The following C1QTNF1 variants were observed in gnomAD, a reference collection of about 807,000 sequenced individuals.
C1QTNF1 encodes the protein C1q and TNF related 1.
A neutral mutation model predicts 27.8 loss-of-function variants in C1QTNF1; 22 were observed. The observed-to-expected ratio is 0.79, with a 90% confidence interval of 0.56 to 1.13. C1QTNF1 has a LOEUF of 1.13. Among genes scored for constraint, C1QTNF1 ranks in the 50% most tolerant of loss-of-function variants. The pLI, the probability that C1QTNF1 is intolerant of heterozygous loss-of-function variation, is 0.00. For missense variants in C1QTNF1, 373 were observed against 380.2 expected, an observed-to-expected ratio of 0.98 and a Z score of 0.16; for synonymous variants, 166 against 154.3, an observed-to-expected ratio of 1.08 and a Z score of -0.56.
At chr17:79,032,265 G>A (rs1293021983) in intron 1 of C1QTNF1, among the ~76,000 whole-genome samples, 4 of 152,146 alleles carry the variant, frequency 2.6e-5, no homozygotes, top group Admixed American at 2.6e-4. Flanking sequence ...ATACACGGAT[G>A]GAGAAGGTGG....
At chr17:79,029,903 C>A (rs1053309256) in intron 1 of C1QTNF1, among the ~76,000 whole-genome samples, 3 of 152,194 alleles carry the variant, frequency 2.0e-5, no homozygotes, top group Non-Finnish European at 4.4e-5. Flanking sequence ...TTGTTCCGTT[C>A]GTCCCAAGAA....
chr17:79,025,886 C>T (rs1181986107), intron 1 of C1QTNF1: 5 of 397,652 alleles, frequency 1.3e-5, no homozygotes, highest in Non-Finnish European at 2.5e-5. Flanking sequence ...TCATCATCAC[C>T]ATCATCATCA....
chr17:79,039,639 C>T (rs993386278), intron 1 of C1QTNF1, among the ~76,000 whole-genome samples: 2 of 150,958 alleles, frequency 1.3e-5, no homozygotes, highest in Non-Finnish European at 1.5e-5. Flanking sequence ...GGTGACAGAG[C>T]GAGACTCTGT....
At position 79,048,000 on chromosome 17, in the gene C1QTNF1, G is replaced by A. The variant is rs1337277640; in HGVS notation, c.758G>A (p.Gly253Asp). The change falls in exon 4 of 4, where the codon GGC (glycine) becomes GAC (aspartate). Residue 253 changes from glycine (G) to aspartate (D), a missense_variant. By Grantham distance (94) the Gly-to-Asp change is moderately conservative (BLOSUM62 -1). Transcript: ENST00000579760. ...QDQVWVRLYK[G>D]ERENAIFSEE... ...CAGGTGTGGGTACGCCTCTACAAGG[G>A]CGAACGTGAGAACGCCATCTTCAGC... 1.2e-6 allele frequency: 2 copies of A among 1,611,420 alleles called. No homozygotes were observed. The highest frequency in any genetic ancestry group is 1.7e-6 in the Non-Finnish European group (2 of 1,179,278).
intron 1 of C1QTNF1, among the ~76,000 whole-genome samples, chr17:79,025,365 C>T (rs117716478): frequency 1.3e-5 from 2 of 152,080 alleles, no homozygotes; most frequent in East Asian, 1.9e-4. Context: ...ACCCTTGGGC[C>T]GACTCATCCC....
At chr17:79,045,171 G>A (rs1050809685) in intron 2 of C1QTNF1, among the ~76,000 whole-genome samples, 15 of 152,150 alleles carry the variant, frequency 9.9e-5, no homozygotes, top group Admixed American at 2.6e-4. Context: ...GGACACCTGC[G>A]GGCCTCCCAG....
At position 79,044,103 on chromosome 17, in the gene C1QTNF1, G is replaced by A. The variant is rs4789853; in HGVS notation, c.135G>A (p.Ser45=). The A allele has an allele frequency of 1.9e-6, 3 of 1,611,394 alleles. No homozygotes were observed. The highest frequency in any genetic ancestry group is 3.5e-4 in the Middle Eastern group (2 of 5,764). The change falls in exon 2 of 4, where the codon TCG becomes TCA. Residue 45 remains serine, a synonymous_variant. Transcript: ENST00000579760. ...QEWEGTEELP[S]PPDHAERAEE... ...GGGAGGGGACTGAGGAGCTGCCGTC[G>A]CCTCCGGACCATGCCGAGAGGTGAG... is the stretch of plus-strand genomic sequence containing the variant.
At chr17:79,024,543 G>A (rs1397275542) in intron 1 of C1QTNF1, 49 bp downstream of exon 1, 1 of 152,264 alleles carries the variant, frequency 6.6e-6, no homozygotes, top group African/African-American at 2.4e-5. Flanking sequence ...CCATCCTCGT[G>A]GCTTCAGCCT....
chr17:79,023,455 G>A (rs558321017), upstream of C1QTNF1, among the ~76,000 whole-genome samples: 1 of 152,284 alleles, frequency 6.6e-6, no homozygotes, highest in Non-Finnish European at 1.5e-5. Context: ...GGCAGCCTAC[G>A]GGCCTTGTTC....
At position 79,024,423 on chromosome 17, in the gene C1QTNF1, T is replaced by C. The variant is rs1265155594; in HGVS notation, c.-86T>C. The C allele has an allele frequency of 6.6e-6, 1 of 150,728 alleles. No individual in the cohort carries two copies. Among genetic ancestry groups the C allele is most frequent in the Non-Finnish European group, 1.5e-5 (1 of 67,764 alleles). The allele number at this position is 150,728 out of a possible 1,614,324, so 9.3% of individuals were successfully genotyped here. A position where few individuals can be genotyped will look rare whatever the true frequency, so the allele number is the denominator to read the frequency against. ...CCGAGTCTGTGCATCGCCCCGGACC[T>C]GGCCGGGAGGAGGCTTGGCCGGCGG... On this transcript the variant is annotated 5_prime_UTR_variant, in exon 1 of 4. Coordinates refer to ENST00000579760, the MANE Select transcript of C1QTNF1 (RefSeq NM_030968.5).
chr17:79,031,532 C>T (rs1468325234), intron 1 of C1QTNF1, among the ~76,000 whole-genome samples: 1 of 152,100 alleles, frequency 6.6e-6, no homozygotes, highest in African/African-American at 2.4e-5. Context: ...ACTGCATCCT[C>T]GCCTCCCAGG....
chr17:79,047,241 T>C (rs78699047), intron 3 of C1QTNF1: 6,262 of 310,864 alleles, frequency 0.02, 184 homozygotes, highest in East Asian at 0.16. Flanking sequence ...TTCTTTTCTT[T>C]TTTTTTTTTT....
chr17:79,035,491 T>TG (rs1400842216), intron 1 of C1QTNF1, among the ~76,000 whole-genome samples: 1 of 151,746 alleles, frequency 6.6e-6, no homozygotes, highest in Non-Finnish European at 1.5e-5. Context: ...AGTGCAGTGA[T>TG]GCGATCTCAG....
rs940222891 is a variant in C1QTNF1 at position 79,047,963 on chromosome 17, C to CGAGAGCAG, written c.724_731dup (p.Asp244GlufsTer102). The CGAGAGCAG allele has an allele frequency of 3.1e-6, 5 of 1,613,740 alleles. No individual in the cohort carries two copies. The highest frequency in any genetic ancestry group is 4.2e-6 in the Non-Finnish European group (5 of 1,180,018). ...AAGCCAGAGCCTGATGCTGGAGCTG[C>CGAGAGCAG]GAGAGCAGGACCAGGTGTGGGTACG... On this transcript the variant is annotated frameshift_variant, in exon 4 of 4. Coordinates refer to ENST00000579760, the MANE Select transcript of C1QTNF1 (RefSeq NM_030968.5). LOFTEE classifies it high-confidence loss of function.
chr17:79,033,623 T>C (rs1184433827), intron 1 of C1QTNF1, among the ~76,000 whole-genome samples: 1 of 151,940 alleles, frequency 6.6e-6, no homozygotes, highest in Non-Finnish European at 1.5e-5. Flanking sequence ...GGAGGATCAC[T>C]TGGGTCCAAG....
At chr17:79,028,590 G>T (rs2072039816) in intron 1 of C1QTNF1, among the ~76,000 whole-genome samples, 1 of 152,218 alleles carries the variant, frequency 6.6e-6, no homozygotes, top group Non-Finnish European at 1.5e-5. Flanking sequence ...CTGGCATTCA[G>T]GGGAGCCCCC....
chr17:79,045,709 A>G (rs1430409013), intron 2 of C1QTNF1, among the ~76,000 whole-genome samples: 1 of 152,128 alleles, frequency 6.6e-6, no homozygotes, highest in Admixed American at 6.5e-5. Context: ...AGGGATGGGG[A>G]CAGGGGTTTC....
intron 1 of C1QTNF1, among the ~76,000 whole-genome samples, chr17:79,040,292 T>C (rs1313184293): frequency 2.0e-5 from 3 of 152,170 alleles, no homozygotes; most frequent in Non-Finnish European, 2.9e-5. Context: ...AAACCGTGTC[T>C]TTACGAAAAA....
intron 1 of C1QTNF1, among the ~76,000 whole-genome samples, chr17:79,027,870 G>A (rs2072014064): frequency 6.6e-6 from 1 of 152,206 alleles, no homozygotes; most frequent in African/African-American, 2.4e-5. Context: ...GTTCAAAGGG[G>A]GATGGTCTCC....
Sources: allele counts gnomAD v4.1 joint callset (sites outside exome capture counted in the v4.1 genomes callset), GRCh38; gene constraint gnomAD v4.1.1; transcripts MANE v1.5; gene names NCBI Gene and HGNC (gene_info 2026-07-23, HGNC 2026-07-21).